Variants in GABBR2 observed in about 807,000 individuals in gnomAD.
GABBR2 encodes gamma-aminobutyric acid type B receptor subunit 2.
GABBR2 carries 23 observed loss-of-function variants against 105.6 expected under a neutral mutation model. The observed-to-expected ratio is 0.22, with a 90% CI of 0.16 to 0.31. GABBR2 has a LOEUF of 0.31. Among genes scored for constraint, GABBR2 ranks in the 10% least tolerant of loss-of-function variants. The pLI is 1.00. For synonymous variants in GABBR2, 478 were observed against 499.7 expected, an observed-to-expected ratio of 0.96 and a Z score of 0.58; for missense variants, 734 against 1,245.5, an observed-to-expected ratio of 0.59 and a Z score of 6.18.
intron 7 of GABBR2, among the ~76,000 whole-genome samples, chr9:98,407,665 T>G (rs2131532105): frequency 6.6e-6 from 1 of 152,314 alleles, no homozygotes; most frequent in Admixed American, 6.5e-5. Context: ...GGATCTAATT[T>G]ACCAATCTTC....
intron 2 of GABBR2, among the ~76,000 whole-genome samples, chr9:98,544,592 C>T (rs758422989): frequency 2.6e-5 from 4 of 152,202 alleles, no homozygotes; most frequent in Non-Finnish European, 4.4e-5. Flanking sequence ...GTTGTCTGGC[C>T]TTGGAAAACC....
intron 1 of GABBR2, among the ~76,000 whole-genome samples, chr9:98,628,452 G>A (rs766549861): frequency 4.6e-5 from 7 of 152,164 alleles, no homozygotes; most frequent in Non-Finnish European, 7.4e-5. Flanking sequence ...CTTTTGCTGG[G>A]ATTTTGTCAG....
chr9:98,333,339 C>A (rs747204748), intron 13 of GABBR2, among the ~76,000 whole-genome samples: 2 of 152,146 alleles, frequency 1.3e-5, no homozygotes, highest in Non-Finnish European at 2.9e-5. Flanking sequence ...TAACAAACTA[C>A]CATAAATTGG....
chr9:98,665,972 C>A (rs1479396234), intron 1 of GABBR2, among the ~76,000 whole-genome samples: 1 of 152,208 alleles, frequency 6.6e-6, no homozygotes, highest in East Asian at 1.9e-4. Flanking sequence ...AGAGCCTTAG[C>A]CAGCACCACT....
At chr9:98,357,277 C>T (rs1437406562) in intron 13 of GABBR2, among the ~76,000 whole-genome samples, 1 of 152,128 alleles carries the variant, frequency 6.6e-6, no homozygotes, top group Non-Finnish European at 1.5e-5. Context: ...CTTTGTACTT[C>T]TGTTAACTTT....
At chr9:98,600,571 G>T (rs1271651133) in intron 1 of GABBR2, among the ~76,000 whole-genome samples, 2 of 152,244 alleles carry the variant, frequency 1.3e-5, no homozygotes, top group Non-Finnish European at 2.9e-5. Context: ...TTCTGCATAG[G>T]CATGGTGCTC....
Position 98,290,447 on chromosome 9 carries a change from G to A in GABBR2, c.*137C>T. ...CCTGCCCCGTCCTGTCCACCTGAGT[G>A]CCATCCGAGTGGTCCTGAGAGGCCA... On this transcript the variant is annotated 3_prime_UTR_variant, in exon 19 of 19. Coordinates refer to ENST00000259455, the MANE Select transcript of GABBR2 (RefSeq NM_005458.8). 2.1e-6 allele frequency: 1 copy of A among 483,608 alleles called. No individual in the cohort carries two copies. Among genetic ancestry groups the A allele is most frequent in the Non-Finnish European group, 3.4e-6 (1 of 297,098 alleles). The allele number at this position is 483,608 out of a possible 1,614,324, so 30.0% of individuals were successfully genotyped here.
At chr9:98,597,095 G>C (rs1373110685) in intron 1 of GABBR2, among the ~76,000 whole-genome samples, 1 of 152,164 alleles carries the variant, frequency 6.6e-6, no homozygotes, top group Non-Finnish European at 1.5e-5. Context: ...CCCAGGGGTT[G>C]TCTGGGCCAA....
At chr9:98,449,168 G>A (rs1187262408) in intron 7 of GABBR2, among the ~76,000 whole-genome samples, 1 of 152,180 alleles carries the variant, frequency 6.6e-6, no homozygotes, top group Admixed American at 6.5e-5. Flanking sequence ...TCCCCACAGG[G>A]TGGCTACCTT....
chr9:98,627,121 G>A (rs916030543), intron 1 of GABBR2, among the ~76,000 whole-genome samples: 5 of 152,128 alleles, frequency 3.3e-5, no homozygotes, highest in Non-Finnish European at 5.9e-5. Flanking sequence ...TCAGCTTCAC[G>A]GAGGCCAGCC....
intron 9 of GABBR2, among the ~76,000 whole-genome samples, chr9:98,392,365 TC>T: frequency 6.6e-6 from 1 of 152,238 alleles, no homozygotes; most frequent in East Asian, 1.9e-4. Context: ...ATCTCCCCAG[TC>T]CGATAGCAGA....
intron 2 of GABBR2, among the ~76,000 whole-genome samples, chr9:98,561,787 G>A (rs1240802408): frequency 6.6e-6 from 1 of 152,196 alleles, no homozygotes; most frequent in Non-Finnish European, 1.5e-5. Flanking sequence ...GGGAAGCTAA[G>A]GCAGGAGGAT....
intron 2 of GABBR2, among the ~76,000 whole-genome samples, chr9:98,559,858 T>C (rs1436411723): frequency 6.6e-6 from 1 of 150,700 alleles, no homozygotes. Context: ...AAATAAGGAA[T>C]GCCTTTCTAC....
intron 1 of GABBR2, among the ~76,000 whole-genome samples, chr9:98,619,891 C>T (rs1829644019): frequency 6.6e-6 from 1 of 152,184 alleles, no homozygotes. Flanking sequence ...TCTAGCTGAG[C>T]TTCCCAAGCT....
At chr9:98,432,151 C>T (rs922988152) in intron 7 of GABBR2, among the ~76,000 whole-genome samples, 1 of 152,190 alleles carries the variant, frequency 6.6e-6, no homozygotes, top group African/African-American at 2.4e-5. Flanking sequence ...CTGCCTTGGC[C>T]TCCCAAAGTG....
intron 16 of GABBR2, among the ~76,000 whole-genome samples, chr9:98,301,765 C>T (rs548436985): frequency 1.2e-4 from 18 of 152,298 alleles, no homozygotes; most frequent in Non-Finnish European, 2.2e-4. Flanking sequence ...GTGACATGGT[C>T]GTACTCATCA....
intron 1 of GABBR2, among the ~76,000 whole-genome samples, chr9:98,616,832 G>T (rs1829593538): frequency 6.6e-6 from 1 of 152,102 alleles, no homozygotes; most frequent in Non-Finnish European, 1.5e-5. Context: ...GATAGATGAA[G>T]TGACTGGATC....
Position 98,299,214 on chromosome 9 carries a change from G to C in GABBR2, c.2542+10C>G, listed in dbSNP as rs1263190008. ...GTCCCTACCACATTCTGGGGCCCTGGCTCTCTTACCTGTGCTCTCAGTGAA... is the reference window on the plus strand; with the variant it reads ...GTCCCTACCACATTCTGGGGCCCTGCCTCTCTTACCTGTGCTCTCAGTGAA... On this transcript the variant is annotated intron_variant, in intron 17 of 18. Coordinates refer to ENST00000259455, the MANE Select transcript of GABBR2 (RefSeq NM_005458.8). 2.5e-6 allele frequency: 4 copies of C among 1,612,640 alleles called. No homozygotes were observed. The highest frequency in any genetic ancestry group is 2.7e-5 in the African/African-American group (2 of 74,896).
intron 1 of GABBR2, among the ~76,000 whole-genome samples, chr9:98,680,196 T>C (rs1360405084): frequency 6.6e-6 from 1 of 152,206 alleles, no homozygotes; most frequent in Non-Finnish European, 1.5e-5. Flanking sequence ...ACCTTACTTC[T>C]GAATGTGAAG....
Sources: allele counts gnomAD v4.1 joint callset (sites outside exome capture counted in the v4.1 genomes callset), GRCh38; gene constraint gnomAD v4.1.1; transcripts MANE v1.5; gene names NCBI Gene and HGNC (gene_info 2026-07-23, HGNC 2026-07-21).